NAALADL2: variants seen among roughly 807,000 people sequenced by gnomAD.
NAALADL2 encodes inactive N-acetylated-alpha-linked acidic dipeptidase-like protein 2.
In NAALADL2, 76 loss-of-function variants were observed where a neutral mutation model predicts 87.2. That is an observed-to-expected ratio of 0.87 (90% confidence interval 0.72 to 1.05). NAALADL2 has a LOEUF of 1.05. NAALADL2 is among the 50% of genes least tolerant of loss of function. The probability of loss-of-function intolerance (pLI) is 0.00; values close to 1 mark genes in which losing one functional copy is unlikely to be tolerated. For missense variants in NAALADL2, 1,089 were observed against 945.8 expected, an observed-to-expected ratio of 1.15 and a Z score of -1.99; for synonymous variants, 354 against 331.0, an observed-to-expected ratio of 1.07 and a Z score of -0.75.
At chr3:174,823,683 A>G (rs1225580979) in intron 3 of NAALADL2, among the ~76,000 whole-genome samples, 2 of 152,282 alleles carry the variant, frequency 1.3e-5, no homozygotes, top group Non-Finnish European at 2.9e-5. Flanking sequence ...TCTCTGTAAC[A>G]TAAGTTATTC....
intron 9 of NAALADL2, among the ~76,000 whole-genome samples, chr3:175,553,677 A>G (rs374492225): frequency 9.6e-4 from 145 of 150,644 alleles, no homozygotes; most frequent in African/African-American, 2.7e-3. Flanking sequence ...TCCAGAGGCT[A>G]TTCCCAGGGG....
chr3:174,608,540 C>T (rs866771110), intron 2 of NAALADL2, among the ~76,000 whole-genome samples: 2,616 of 151,412 alleles, frequency 0.017, 67 homozygotes, highest in African/African-American at 0.059. Flanking sequence ...AACACCTCTA[C>T]GCAAATAAAC....
intron 1 of NAALADL2, among the ~76,000 whole-genome samples, chr3:174,546,514 C>T (rs143571325): frequency 6.6e-6 from 1 of 152,164 alleles, no homozygotes; most frequent in Non-Finnish European, 1.5e-5. Context: ...TGAACCCCCC[C>T]AGGGGTTCTG....
chr3:175,408,829 C>A (rs1712923148), intron 5 of NAALADL2, among the ~76,000 whole-genome samples: 1 of 151,846 alleles, frequency 6.6e-6, no homozygotes, highest in Non-Finnish European at 1.5e-5. Context: ...TGGCAGTAAA[C>A]AATCACATGC....
At chr3:175,324,121 A>C (rs1760373627) in intron 4 of NAALADL2, 54 bp from the exon 5 acceptor site, 1 of 1,492,128 alleles carries the variant, frequency 6.7e-7, no homozygotes, top group Non-Finnish European at 9.2e-7. Context: ...ATGGCACTAT[A>C]TGAACTTTTA....
intron 1 of NAALADL2, among the ~76,000 whole-genome samples, chr3:174,861,286 T>G (rs948767314): frequency 6.6e-6 from 1 of 152,060 alleles, no homozygotes; most frequent in Non-Finnish European, 1.5e-5. Context: ...AAGTGAGGGT[T>G]AAAAAGAACC....
rs540948814 is a variant in NAALADL2 at position 175,016,623 on chromosome 3, ATAAG to A, written c.44-80166_44-80163del. ...ACGCAAATTAAAGAAATCTTCTTAA[ATAAG>A]AGAAGTAGAATTTTTAGTATTATTA... is the stretch of plus-strand genomic sequence containing the variant. On this transcript the variant is annotated intron_variant, in intron 1 of 13. Transcript: ENST00000454872. 7.1e-3 allele frequency among the ~76,000 whole-genome samples: 1,078 copies of A among 151,980 alleles called. 20 individuals carry two copies. The highest frequency in any genetic ancestry group is 0.024 in the African/African-American group (1,011 of 41,522).
chr3:174,872,823 T>C (rs1337456576), intron 1 of NAALADL2, among the ~76,000 whole-genome samples: 3 of 152,154 alleles, frequency 2.0e-5, no homozygotes, highest in Non-Finnish European at 4.4e-5. Flanking sequence ...CAGTACCTAA[T>C]TAAAGGTATG....
At position 175,112,286 on chromosome 3, in the gene NAALADL2, T is replaced by A. The variant is rs539541625; in HGVS notation, c.545+14995T>A. On this transcript the variant is annotated intron_variant, in intron 2 of 13. Coordinates refer to ENST00000454872, the MANE Select transcript of NAALADL2 (RefSeq NM_207015.3). ...TACATTCTTTTCCCCAAATTCTTGTTAATATATTTTTCCTGTCTCTTCCAA... is the reference window on the plus strand; with the variant it reads ...TACATTCTTTTCCCCAAATTCTTGTAAATATATTTTTCCTGTCTCTTCCAA... Among the ~76,000 whole-genome samples the A allele has an allele frequency of 1.8e-4, 27 of 151,670 alleles. No homozygotes were observed. The South Asian group carries it at 5.6e-3, about 32-fold the overall frequency.
chr3:174,755,062 G>T (rs953625462), intron 3 of NAALADL2, among the ~76,000 whole-genome samples: 5 of 152,196 alleles, frequency 3.3e-5, no homozygotes, highest in African/African-American at 1.2e-4. Context: ...TCAAGGGAGA[G>T]ACCCGGTGGA....
chr3:174,617,580 G>A (rs989521467), intron 2 of NAALADL2, among the ~76,000 whole-genome samples: 30 of 151,676 alleles, frequency 2.0e-4, no homozygotes, highest in Non-Finnish European at 3.3e-4. Context: ...TGTAAATAAA[G>A]GAATTGATCA....
intron 1 of NAALADL2, among the ~76,000 whole-genome samples, chr3:174,924,372 C>T (rs939516767): frequency 2.0e-5 from 3 of 151,980 alleles, no homozygotes; most frequent in African/African-American, 7.3e-5. Flanking sequence ...TCATACATGT[C>T]CCTACAAAGG....
intron 1 of NAALADL2, among the ~76,000 whole-genome samples, chr3:174,967,591 T>G (rs1743068238): frequency 6.6e-6 from 1 of 152,168 alleles, no homozygotes; most frequent in South Asian, 2.1e-4. Context: ...TTGTTCTCAT[T>G]TTCTTGCTTC....
At chr3:175,495,577 C>A (rs921743978) in intron 9 of NAALADL2, among the ~76,000 whole-genome samples, 1 of 152,086 alleles carries the variant, frequency 6.6e-6, no homozygotes, top group Admixed American at 6.6e-5. Flanking sequence ...TGTCAGGGGG[C>A]CTTCAAGTTC....
intron 1 of NAALADL2, among the ~76,000 whole-genome samples, chr3:174,987,913 C>T (rs1011766357): frequency 2.0e-5 from 3 of 150,552 alleles, no homozygotes; most frequent in African/African-American, 7.4e-5. Context: ...CTTAATGGGT[C>T]ATCCCACCTT....
In NAALADL2 at chr3:174,789,828, G is replaced by T. The variant is rs570681906; in HGVS notation, c.-9+52082G>T. On this transcript the variant is annotated intron_variant, in intron 3 of 3. Transcript: ENST00000434257. ...TGGAATCTGTCACTAAAGAGAGCAT[G>T]TAAGTTGAAAACAGATAGAAGAACA... 7.9e-5 allele frequency among the ~76,000 whole-genome samples: 12 copies of T among 152,320 alleles called. No individual in the cohort carries two copies. In the South Asian group the frequency reaches 2.3e-3, roughly 29 times the overall value.
intron 10 of NAALADL2, among the ~76,000 whole-genome samples, chr3:175,603,629 T>C (rs746062462): frequency 2.7e-4 from 41 of 152,194 alleles, no homozygotes; most frequent in Non-Finnish European, 4.4e-4. Flanking sequence ...TTTTTTCATG[T>C]TGTAGCATAT....
At chr3:175,781,307 A>G (rs1228554636) in intron 13 of NAALADL2, among the ~76,000 whole-genome samples, 1 of 152,178 alleles carries the variant, frequency 6.6e-6, no homozygotes, top group Non-Finnish European at 1.5e-5. Context: ...ATGATGTTTC[A>G]GTCAAATATG....
rs1467062113 is a variant in NAALADL2 at position 175,695,155 on chromosome 3, T to A, written c.1897-42151T>A. Among the ~76,000 whole-genome samples, 5 of 152,116 alleles carry A rather than the reference T, an allele frequency of 3.3e-5. No individual in the cohort carries two copies. In the South Asian group the frequency reaches 8.3e-4, roughly 25 times the overall value. On this transcript the variant is annotated intron_variant, in intron 11 of 13. Transcript: ENST00000454872. ...CAATTTTATGTAGAGTAATCTTTTT[T>A]AATTATACATAAACCATGGTTTCCA...
Sources: gnomAD v4.1 joint callset for allele counts (sites outside exome capture counted in the v4.1 genomes callset) on GRCh38, gnomAD v4.1.1 for gene constraint, MANE v1.5 for transcripts, NCBI Gene and HGNC (gene_info 2026-07-23, HGNC 2026-07-21) for gene names.